EPB41L5: variants seen among roughly 807,000 people sequenced by gnomAD.
The protein encoded by EPB41L5 is erythrocyte membrane protein band 4.1 like 5.
In EPB41L5, 55 loss-of-function variants were observed where a neutral mutation model predicts 106.6. The observed-to-expected ratio is 0.52, with a 90% CI of 0.42 to 0.65. The LOEUF (loss-of-function observed/expected upper bound fraction) is 0.65. Among genes scored for constraint, EPB41L5 ranks in the 30% least tolerant of loss-of-function variants. EPB41L5 has a pLI of 0.00. For missense variants in EPB41L5, 871 were observed against 882.1 expected (o/e 0.99, Z 0.16); for synonymous variants, 297 against 306.7 (o/e 0.97, Z 0.33).
intron 3 of EPB41L5, among the ~76,000 whole-genome samples, chr2:120,060,669 A>G (rs1680974071): frequency 6.6e-6 from 1 of 152,204 alleles, no homozygotes; most frequent in Non-Finnish European, 1.5e-5. Flanking sequence ...CTTCGTGATA[A>G]TGGAATATTT....
intron 3 of EPB41L5, among the ~76,000 whole-genome samples, chr2:120,066,013 T>G (rs1376075582): frequency 2.0e-5 from 3 of 151,908 alleles, no homozygotes; most frequent in African/African-American, 7.3e-5. Flanking sequence ...TTGAGGAAAC[T>G]CTGGAAGGAA....
At chr2:120,134,496 C>A (rs1685838263) in intron 18 of EPB41L5, among the ~76,000 whole-genome samples, 1 of 152,210 alleles carries the variant, frequency 6.6e-6, no homozygotes, top group Non-Finnish European at 1.5e-5. Flanking sequence ...AGACCCAGTA[C>A]TTCACTGGCT....
chr2:120,052,195 G>A (rs1377042718), intron 3 of EPB41L5, among the ~76,000 whole-genome samples: 6 of 152,102 alleles, frequency 3.9e-5, no homozygotes, highest in Non-Finnish European at 5.9e-5. Context: ...CCTTAGTCTT[G>A]CCTTGACTTT....
At chr2:120,172,019 AAAAG>A (rs1687697808) in intron 24 of EPB41L5, among the ~76,000 whole-genome samples, 1 of 74,356 alleles carries the variant, frequency 1.3e-5, no homozygotes, top group Non-Finnish European at 3.9e-5. Context: ...TAAAAAAAAA[AAAAG>A]GAAAACAAGC....
intron 2 of EPB41L5, among the ~76,000 whole-genome samples, chr2:120,025,243 A>T (rs536130890): frequency 6.6e-6 from 1 of 152,262 alleles, no homozygotes; most frequent in African/African-American, 2.4e-5. Flanking sequence ...GTGTCCAGGA[A>T]TTTATCCATT....
chr2:120,155,297 C>A (rs780664001), intron 20 of EPB41L5, among the ~76,000 whole-genome samples: 1 of 152,136 alleles, frequency 6.6e-6, no homozygotes, highest in African/African-American at 2.4e-5. Flanking sequence ...TGACAGGGTA[C>A]TTTCTTTCAG....
At position 120,164,939 on chromosome 2, in the gene EPB41L5, A is replaced by G. The variant is rs1687324468; in HGVS notation, c.1962+29A>G. 5 of 1,508,646 alleles carry G rather than the reference A, an allele frequency of 3.3e-6. No homozygotes were observed. The South Asian group carries it at 4.9e-5, about 15-fold the overall frequency. The allele number at this position is 1,508,646 out of a possible 1,614,324, so 93.5% of individuals were successfully genotyped here. A position where few individuals can be genotyped will look rare whatever the true frequency, so the allele number is the denominator to read the frequency against. On this transcript the variant is annotated intron_variant, in intron 22 of 24. Coordinates refer to ENST00000263713, the MANE Select transcript of EPB41L5 (RefSeq NM_020909.4). ...AATATGCTTTAAAATAGTATGATGG[A>G]AAGAAATTTCTGTTTTGAAAAATGT...
intron 3 of EPB41L5, among the ~76,000 whole-genome samples, chr2:120,071,340 C>T (rs1038374377): frequency 2.0e-5 from 3 of 152,126 alleles, no homozygotes; most frequent in African/African-American, 4.8e-5. Context: ...AGGACACAAA[C>T]AAATGGAAAA....
intron 22 of EPB41L5, among the ~76,000 whole-genome samples, chr2:120,165,205 A>AT (rs1227475917): frequency 1.3e-5 from 2 of 152,172 alleles, no homozygotes; most frequent in Non-Finnish European, 2.9e-5. Flanking sequence ...GATATATTTA[A>AT]TTTTTTAAAA....
Position 120,143,106 on chromosome 2 carries a change from A to G in EPB41L5, c.1703A>G (p.Lys568Arg), listed in dbSNP as rs764007999. Residue 568 changes from lysine to arginine, a missense_variant, in exon 19 of 25, where the codon AAG becomes AGG. Coordinates refer to ENST00000263713, the MANE Select transcript of EPB41L5 (RefSeq NM_020909.4). ...CCTGACTTCAAGAGTAACATTTTGA[A>G]GGCTCAAGTAGAAGCAGTGCATAAG... is the stretch of plus-strand genomic sequence containing the variant. Reference protein sequence around the residue: ...VPPDFKSNILKAQVEAVHKVT... With the variant: ...VPPDFKSNILRAQVEAVHKVT... 6.2e-7 allele frequency: 1 copy of G among 1,605,808 alleles called. No individual in the cohort carries two copies. Among genetic ancestry groups the G allele is most frequent in the Non-Finnish European group, 8.5e-7 (1 of 1,177,034 alleles).
chr2:120,076,634 CTT>C (rs973926357), intron 7 of EPB41L5, among the ~76,000 whole-genome samples: 28 of 152,004 alleles, frequency 1.8e-4, no homozygotes, highest in Admixed American at 1.7e-3. Context: ...AGTTAATTGT[CTT>C]TTAACGATTG....
At chr2:120,142,014 T>C (rs1686192382) in intron 18 of EPB41L5, among the ~76,000 whole-genome samples, 1 of 151,916 alleles carries the variant, frequency 6.6e-6, no homozygotes, top group African/African-American at 2.4e-5. Flanking sequence ...TGGACTCTTG[T>C]AACTTCCAAC....
chr2:120,105,423 G>A (rs763244895), intron 16 of EPB41L5: 12 of 985,044 alleles, frequency 1.2e-5, no homozygotes, highest in Middle Eastern at 5.2e-4. Context: ...CTCACATAGA[G>A]GTTGGTTTTA....
At chr2:120,017,753 ATTGT>A (rs1677619745) in intron 1 of EPB41L5, among the ~76,000 whole-genome samples, 1 of 152,120 alleles carries the variant, frequency 6.6e-6, no homozygotes, top group Admixed American at 6.5e-5. Context: ...GAAATAGGTG[ATTGT>A]TTTTGTGTTT....
At chr2:120,128,316 T>C (rs1018775361) in intron 17 of EPB41L5, among the ~76,000 whole-genome samples, 1 of 148,400 alleles carries the variant, frequency 6.7e-6, no homozygotes, top group Non-Finnish European at 1.5e-5. Context: ...AAGGAGACAG[T>C]AAATCTCTCA....
At chr2:120,073,482 C>G (rs1362132212) in intron 4 of EPB41L5, among the ~76,000 whole-genome samples, 1 of 152,170 alleles carries the variant, frequency 6.6e-6, no homozygotes, top group African/African-American at 2.4e-5. Flanking sequence ...CCCCGAAATG[C>G]TTAATGGTTA....
rs902748005 is a variant in EPB41L5, at chr2:120,106,248, C to T, written c.1337+5434C>T. On this transcript the variant is annotated intron_variant, in intron 16 of 24. Coordinates refer to ENST00000263713, the MANE Select transcript of EPB41L5 (RefSeq NM_020909.4). ...GGAGGGGTGTTAGGGATGGAGGCAG[C>T]GATAGGGGTGAGGAAAGTAAAGGGC... is the stretch of plus-strand genomic sequence containing the variant. 1.9e-5 allele frequency: 19 copies of T among 984,972 alleles called. No individual in the cohort carries two copies. In the East Asian group the frequency reaches 1.4e-3, roughly 71 times the overall value. 61.0% of individuals were successfully genotyped at this position (984,972 alleles called of 1,614,324 possible).
intron 9 of EPB41L5, among the ~76,000 whole-genome samples, 176 bp from the exon 10 acceptor site, chr2:120,078,317 A>T (rs1199694355): frequency 6.6e-6 from 1 of 152,212 alleles, no homozygotes; most frequent in Non-Finnish European, 1.5e-5. Flanking sequence ...ATATATGCAT[A>T]AATTTTTCTG....
At chr2:120,078,692 A>G (rs1382032370) in intron 10 of EPB41L5, 111 bp downstream of exon 10, 2 of 650,314 alleles carry the variant, frequency 3.1e-6, no homozygotes, top group South Asian at 2.0e-5. Context: ...AAAACTTGTC[A>G]ATGAAAGCAA....
Sources: gnomAD v4.1 joint callset for allele counts (sites outside exome capture counted in the v4.1 genomes callset) on GRCh38, gnomAD v4.1.1 for gene constraint, MANE v1.5 for transcripts, NCBI Gene and HGNC (gene_info 2026-07-23, HGNC 2026-07-21) for gene names.